Variants in HPSE2 observed in about 807,000 individuals in gnomAD.
HPSE2 encodes inactive heparanase-2.
Under a neutral mutation model 60.5 loss-of-function variants are expected in HPSE2, and 38 were observed. That is an observed-to-expected ratio of 0.63 (90% CI 0.48 to 0.82). HPSE2 has a LOEUF of 0.82. Among genes scored for constraint, HPSE2 ranks in the 40% least tolerant of loss-of-function variants. The pLI is 0.00. For synonymous variants in HPSE2, 295 were observed against 293.2 expected, an observed-to-expected ratio of 1.01 and a Z score of -0.06; for missense variants, 713 against 740.4, an observed-to-expected ratio of 0.96 and a Z score of 0.43.
At chr10:99,178,078 CA>C (rs1847602435) in intron 2 of HPSE2, among the ~76,000 whole-genome samples, 1 of 151,320 alleles carries the variant, frequency 6.6e-6, no homozygotes, top group Non-Finnish European at 1.5e-5. Context: ...CCAATGAGAA[CA>C]GACACAAAGT....
At chr10:99,097,738 T>C (rs1843768956) in intron 3 of HPSE2, among the ~76,000 whole-genome samples, 1 of 152,228 alleles carries the variant, frequency 6.6e-6, no homozygotes, top group Non-Finnish European at 1.5e-5. Flanking sequence ...GTAACTTATT[T>C]CACTTAATCT....
the HPSE2 span, among the ~76,000 whole-genome samples, chr10:99,300,077 C>T: frequency 1.3e-5 from 2 of 151,166 alleles, no homozygotes; most frequent in East Asian, 3.9e-4. Context: ...TTAGAGGCTG[C>T]TGTGGGCCCC....
At chr10:98,671,695 G>A (rs1322309101) in intron 6 of HPSE2, among the ~76,000 whole-genome samples, 2 of 152,182 alleles carry the variant, frequency 1.3e-5, no homozygotes, top group Non-Finnish European at 2.9e-5. Flanking sequence ...GGGAAAGAAG[G>A]AAATTCCAAT....
intron 3 of HPSE2, among the ~76,000 whole-genome samples, chr10:99,046,753 A>G (rs1375117988): frequency 6.6e-6 from 1 of 152,148 alleles, no homozygotes; most frequent in Admixed American, 6.5e-5. Context: ...TGAAATACCT[A>G]GGAATATAGC....
intron 6 of HPSE2, among the ~76,000 whole-genome samples, chr10:98,689,586 A>G (rs555048813): frequency 6.6e-6 from 1 of 152,312 alleles, no homozygotes; most frequent in Non-Finnish European, 1.5e-5. Context: ...TACCTGGGTC[A>G]TCTCAAGGTT....
the HPSE2 span, among the ~76,000 whole-genome samples, chr10:99,281,655 C>T: frequency 3.9e-5 from 6 of 151,940 alleles, no homozygotes; most frequent in African/African-American, 1.4e-4. Context: ...CTTTATCTTC[C>T]CTTTATCATT....
chr10:98,550,096 C>T (rs1203144338), intron 9 of HPSE2, among the ~76,000 whole-genome samples: 1 of 152,212 alleles, frequency 6.6e-6, no homozygotes, highest in African/African-American at 2.4e-5. Context: ...TTGACTTACT[C>T]CTGTTGGTAT....
At chr10:99,121,976 T>C (rs1486556763) in intron 3 of HPSE2, among the ~76,000 whole-genome samples, 1 of 152,118 alleles carries the variant, frequency 6.6e-6, no homozygotes, top group African/African-American at 2.4e-5. Flanking sequence ...CTTATTGCTA[T>C]AGACAGAAAG....
At chr10:99,094,452 T>G (rs1436428542) in intron 3 of HPSE2, among the ~76,000 whole-genome samples, 1 of 146,604 alleles carries the variant, frequency 6.8e-6, no homozygotes, top group Non-Finnish European at 1.5e-5. Flanking sequence ...TGCTCTATGT[T>G]GAACTGAGAA....
At position 98,457,450 on chromosome 10, in the gene HPSE2, C is replaced by T. The variant is rs10786426; in HGVS notation, c.*2124G>A. 0.54 allele frequency: 81,945 copies of T among 152,028 alleles called. 22,699 individuals carry two copies. Among genetic ancestry groups the T allele is most frequent in the East Asian group, 0.63 (3,261 of 5,138 alleles). 9.4% of individuals were successfully genotyped at this position (152,028 alleles called of 1,614,324 possible). ...AAAAATGGGGATAACAGTAGTACCC[C>T]TTTATCATGGGGTTACTAAGGACGC... On this transcript the variant is annotated 3_prime_UTR_variant, in exon 12 of 12. Transcript: ENST00000370552.
intron 9 of HPSE2, among the ~76,000 whole-genome samples, chr10:98,606,129 C>T (rs534405905): frequency 1.3e-5 from 2 of 152,286 alleles, no homozygotes; most frequent in African/African-American, 2.4e-5. Flanking sequence ...TCCCCTTCAC[C>T]TCCATTTCAT....
intron 3 of HPSE2, among the ~76,000 whole-genome samples, chr10:98,835,180 A>G (rs1261200463): frequency 6.6e-6 from 1 of 152,168 alleles, no homozygotes; most frequent in East Asian, 1.9e-4. Flanking sequence ...GCCAATTTTC[A>G]GGAAATACAG....
the HPSE2 span, among the ~76,000 whole-genome samples, chr10:99,306,016 A>ACACACACAC: frequency 1.7e-3 from 63 of 37,642 alleles, no homozygotes; most frequent in East Asian, 0.035. Context: ...CACACACACC[A>ACACACACAC]GACTGCTGGG....
chr10:98,520,506 C>T (rs963069556), intron 9 of HPSE2, among the ~76,000 whole-genome samples: 7 of 152,096 alleles, frequency 4.6e-5, no homozygotes, highest in African/African-American at 4.8e-5. Context: ...CCACTAAACC[C>T]GTGGGGACAG....
chr10:98,712,304 G>GA (rs1010598342), intron 5 of HPSE2, among the ~76,000 whole-genome samples: 6 of 151,702 alleles, frequency 4.0e-5, no homozygotes, highest in African/African-American at 1.2e-4. Flanking sequence ...GTTTAAGGTT[G>GA]AAAAAAATTG....
At chr10:99,023,831 A>C (rs1957319237) in intron 3 of HPSE2, among the ~76,000 whole-genome samples, 1 of 152,234 alleles carries the variant, frequency 6.6e-6, no homozygotes, top group Admixed American at 6.5e-5. Flanking sequence ...CACAACACCC[A>C]AGTCCTTTCA....
intron 3 of HPSE2, among the ~76,000 whole-genome samples, chr10:99,122,870 T>C (rs867884292): frequency 6.6e-6 from 1 of 151,816 alleles, no homozygotes; most frequent in Middle Eastern, 3.5e-3. Flanking sequence ...AATGAGAGAG[T>C]AGTTAATAAG....
At chr10:99,011,126 C>T (rs1589512294) in intron 3 of HPSE2, among the ~76,000 whole-genome samples, 1 of 100,268 alleles carries the variant, frequency 1.0e-5, no homozygotes, top group East Asian at 3.4e-4. Flanking sequence ...GTTTTCTGTT[C>T]CTGTGTTAGG....
intron 2 of HPSE2, among the ~76,000 whole-genome samples, chr10:99,181,639 C>G (rs2133832399): frequency 6.6e-6 from 1 of 152,126 alleles, no homozygotes; most frequent in African/African-American, 2.4e-5. Flanking sequence ...AACAGAAAAC[C>G]AAACACTGCA....
Sources: gnomAD v4.1 joint callset for allele counts (sites outside exome capture counted in the v4.1 genomes callset) on GRCh38, gnomAD v4.1.1 for gene constraint, MANE v1.5 for transcripts, NCBI Gene and HGNC (gene_info 2026-07-23, HGNC 2026-07-21) for gene names.